The following NIPBL variants were observed in gnomAD, a reference collection of about 807,000 sequenced individuals.
The protein encoded by NIPBL is NIPBL cohesin loading factor.
In NIPBL, 19 loss-of-function variants were observed where a neutral mutation model predicts 321.8. The ratio of observed to expected loss-of-function variants is 0.06; its 90% confidence interval spans 0.04 to 0.09. The LOEUF (loss-of-function observed/expected upper bound fraction) is 0.09. Among genes scored for constraint, NIPBL ranks in the 10% least tolerant of loss-of-function variants. The pLI is 1.00. For synonymous variants in NIPBL, 1,106 were observed against 1,114.1 expected (o/e 0.99, Z 0.14); for missense variants, 2,210 against 3,327.0 (o/e 0.66, Z 8.26).
chr5:37,058,701 G>A (rs1195752920), intron 43 of NIPBL, among the ~76,000 whole-genome samples, 190 bp from the exon 44 acceptor site: 4 of 151,946 alleles, frequency 2.6e-5, no homozygotes, highest in Non-Finnish European at 5.9e-5. Flanking sequence ...GGAGGGGGTG[G>A]ATATTATATA....
intron 6 of NIPBL, among the ~76,000 whole-genome samples, chr5:36,968,133 G>A (rs1490229146): frequency 2.0e-5 from 3 of 147,558 alleles, no homozygotes; most frequent in Admixed American, 6.8e-5. Flanking sequence ...AAACGAATAA[G>A]CAGTGTTATC....
At chr5:36,990,381 C>T (rs296962) in intron 10 of NIPBL, among the ~76,000 whole-genome samples, 86,527 of 152,040 alleles carry the variant, frequency 0.57, 26,857 homozygotes, top group African/African-American at 0.84. Context: ...TTCTGCAAGT[C>T]TGAAAGTATT....
At chr5:36,973,369 T>C (rs1309867096) in intron 8 of NIPBL, among the ~76,000 whole-genome samples, 3 of 152,082 alleles carry the variant, frequency 2.0e-5, no homozygotes, top group Non-Finnish European at 2.9e-5. Context: ...TTATTTTACT[T>C]TAAGTTCTGG....
chr5:36,985,743 G>A lies in NIPBL; in HGVS notation c.2563G>A (p.Gly855Ser), dbSNP rs868121847. The change falls in exon 10 of 47, where the codon GGC (glycine) becomes AGC (serine). Residue 855 changes from glycine (G) to serine (S), a missense_variant. Physicochemically the swap from Gly to Ser is moderately conservative, Grantham distance 56. Coordinates refer to ENST00000282516, the MANE Select transcript of NIPBL (RefSeq NM_133433.4). ...TLRSSSRNEH[G>S]IKSDSSKTDK... is the part of the protein sequence containing the mutation. ...GAGATCCTCTAGTAGAAATGAACAT[G>A]GCATTAAATCTGATAGTTCAAAAAC... The A allele has an allele frequency of 6.2e-7, 1 of 1,613,802 alleles. No homozygotes were observed. The highest frequency in any genetic ancestry group is 1.3e-5 in the African/African-American group (1 of 74,972).
chr5:36,943,523 G>A (rs996112941), intron 1 of NIPBL, among the ~76,000 whole-genome samples: 5 of 151,816 alleles, frequency 3.3e-5, no homozygotes, highest in Non-Finnish European at 1.5e-5. Flanking sequence ...CTGACAAGAT[G>A]ATTCTAAAAT....
rs1745108624 is a variant in NIPBL, at chr5:36,876,994, AGGAG to A, written c.-262_-259del. 4 of 338,906 alleles carry A rather than the reference AGGAG, an allele frequency of 1.2e-5. No individual in the cohort carries two copies. The highest frequency in any genetic ancestry group is 8.9e-5 in the East Asian group (2 of 22,416). 21.0% of individuals were successfully genotyped at this position (338,906 alleles called of 1,614,324 possible). On this transcript the variant is annotated 5_prime_UTR_variant, in exon 1 of 47. An upstream open reading frame in the 5' UTR loses its in-frame stop. Transcript: ENST00000282516. Reference sequence around the variant, plus strand: ...TTTGTGAGTGTTTCTATGTGGGAGAAGGAGGAGGAGGAGGAAGAAGAAGCAACGA... The same window carrying A: ...TTTGTGAGTGTTTCTATGTGGGAGAAGAGGAGGAGGAAGAAGAAGCAACGA...
intron 11 of NIPBL, chr5:36,997,148 TAAAAG>T (rs1040946962): frequency 6.6e-6 from 1 of 152,166 alleles, no homozygotes; most frequent in Non-Finnish European, 1.5e-5. Flanking sequence ...GATGAGAAGA[TAAAAG>T]AAACATGGGG....
intron 42 of NIPBL, among the ~76,000 whole-genome samples, chr5:37,055,356 TAAAAA>T (rs57488198): frequency 3.5e-5 from 3 of 84,672 alleles, no homozygotes; most frequent in Non-Finnish European, 5.4e-5. Context: ...ATCTCAACAG[TAAAAA>T]AAAAAAAAAA....
At chr5:36,991,525 G>A (rs1467953141) in intron 10 of NIPBL, among the ~76,000 whole-genome samples, 1 of 151,940 alleles carries the variant, frequency 6.6e-6, no homozygotes, top group Non-Finnish European at 1.5e-5. Flanking sequence ...TACATATCAA[G>A]GAAAGAATCA....
intron 1 of NIPBL, among the ~76,000 whole-genome samples, chr5:36,896,631 G>A (rs1011747909): frequency 2.0e-5 from 3 of 152,018 alleles, no homozygotes; most frequent in South Asian, 4.2e-4. Flanking sequence ...ACAAACTCTC[G>A]CTATATGGCC....
At chr5:36,965,685 T>C (rs1277557160) in intron 6 of NIPBL, among the ~76,000 whole-genome samples, 1 of 152,118 alleles carries the variant, frequency 6.6e-6, no homozygotes, top group Admixed American at 6.5e-5. Flanking sequence ...GTTTTTACCA[T>C]ACAGAAAAGA....
chr5:36,897,918 G>A lies in NIPBL; in HGVS notation c.-80+20740G>A, dbSNP rs569165520. 2.8e-3 allele frequency among the ~76,000 whole-genome samples: 406 copies of A among 144,132 alleles called. 5 individuals are homozygous for A. Among genetic ancestry groups the A allele is most frequent in the Admixed American group, 4.6e-3 (67 of 14,464 alleles). 94.6% of individuals were successfully genotyped at this position (144,132 alleles called of 152,430 possible). A position where few individuals can be genotyped will look rare whatever the true frequency, so the allele number is the denominator to read the frequency against. On this transcript the variant is annotated intron_variant, in intron 1 of 46. Coordinates refer to ENST00000282516, the MANE Select transcript of NIPBL (RefSeq NM_133433.4). ...AAAAAAAAAAAAAGCAAGGAGGGAA[G>A]AAACAAAAGGAAGTAAGATTAATAA...
intron 4 of NIPBL, among the ~76,000 whole-genome samples, chr5:36,961,135 C>T (rs1445712087): frequency 1.3e-5 from 2 of 152,052 alleles, no homozygotes; most frequent in East Asian, 1.9e-4. Context: ...CCCTGAGTCC[C>T]GTTGTAGAAG....
At chr5:37,037,114 G>A (rs1007883652) in intron 33 of NIPBL, among the ~76,000 whole-genome samples, 3 of 151,594 alleles carry the variant, frequency 2.0e-5, no homozygotes, top group Non-Finnish European at 2.9e-5. Flanking sequence ...TGGGCCAGGC[G>A]TGGTGGCTCA....
At chr5:36,885,397 C>G in intron 1 of NIPBL, 1 of 452,270 alleles carries the variant, frequency 2.2e-6, no homozygotes, top group South Asian at 1.7e-5. Context: ...GGGGCCTGGC[C>G]AAGTGGATGG....
In NIPBL at chr5:37,061,003, A is replaced by G; in HGVS notation, c.7845A>G (p.Val2615=). ...CAGAAGAGGTGAAAAGGAGTATAGT[A>G]AAACAGTATCTAGATGTGAGTAGTA... ...KITEEVKRSI[V]KQYLDFKLLM... Residue 2615 remains valine, a synonymous_variant, in exon 45 of 47, where the codon GTA becomes GTG. Transcript: ENST00000282516. 8 of 1,614,124 alleles carry G rather than the reference A, an allele frequency of 5.0e-6. No individual in the cohort carries two copies. The highest frequency in any genetic ancestry group is 6.8e-6 in the Non-Finnish European group (8 of 1,179,988).
At position 37,049,287 on chromosome 5, in the gene NIPBL, A is replaced by C; in HGVS notation, c.6940A>C (p.Ile2314Leu). 6.2e-7 allele frequency: 1 copy of C among 1,614,092 alleles called. No individual in the cohort carries two copies. The change falls in exon 40 of 47, where the codon ATT becomes CTT. Residue 2314 changes from isoleucine (I) to leucine (L), a missense_variant. Around this residue, in one of 14 missense-constraint regions of NIPBL, gnomAD observed 112 missense variants for 288.3 expected, o/e 0.39. Transcript: ENST00000282516. ...TGCATTGACTCTAAATCAAGGTCTT[A>C]TTCATCCAGTTCAGGTAAGCATGTT... is the stretch of plus-strand genomic sequence containing the variant. Reference protein sequence around the residue: ...VIALTLNQGLIHPVQCVPYLI... With the variant: ...VIALTLNQGLLHPVQCVPYLI...
intron 1 of NIPBL, among the ~76,000 whole-genome samples, chr5:36,897,668 G>A (rs1217698586): frequency 6.6e-6 from 1 of 152,134 alleles, no homozygotes; most frequent in East Asian, 1.9e-4. Context: ...TGTAACATAG[G>A]ATTAAAAATT....
At chr5:36,980,178 A>G (rs1398907714) in intron 9 of NIPBL, among the ~76,000 whole-genome samples, 2 of 151,796 alleles carry the variant, frequency 1.3e-5, no homozygotes, top group Non-Finnish European at 3.0e-5. Context: ...CAACAGATAC[A>G]ACATACTGTT....
Sources: gnomAD v4.1 joint callset for allele counts (sites outside exome capture counted in the v4.1 genomes callset) on GRCh38, gnomAD v4.1.1 for gene constraint, gnomAD v4.1.1 regional missense constraint, MANE v1.5 for transcripts, NCBI Gene and HGNC (gene_info 2026-07-23, HGNC 2026-07-21) for gene names.